The following CYLC2 variants were observed in gnomAD, a reference collection of about 807,000 sequenced individuals.
CYLC2 encodes cylicin-2.
CYLC2 carries 30 observed loss-of-function variants against 26.1 expected under a neutral mutation model. The ratio of observed to expected loss-of-function variants is 1.15; its 90% CI spans 0.86 to 1.56. CYLC2 has a LOEUF of 1.56. Ranked by LOEUF, CYLC2 falls within the 40% of genes most tolerant of loss-of-function variation. The pLI is 0.00. For missense variants in CYLC2, 498 were observed against 394.4 expected (o/e 1.26, Z -2.23); for synonymous variants, 158 against 132.8 (o/e 1.19, Z -1.31).
chr9:103,014,132 A>G (rs1283115821), intron 6 of CYLC2, among the ~76,000 whole-genome samples: 1 of 120,444 alleles, frequency 8.3e-6, no homozygotes, highest in Non-Finnish European at 1.6e-5. Flanking sequence ...ATTATATTAT[A>G]ATATATTAAA....
At chr9:103,006,945 T>C (rs1187545879) in intron 5 of CYLC2, among the ~76,000 whole-genome samples, 1 of 152,088 alleles carries the variant, frequency 6.6e-6, no homozygotes, top group Non-Finnish European at 1.5e-5. Flanking sequence ...GATAACCATG[T>C]GAGGTGATGC....
chr9:103,008,165 C>G (rs946515008), intron 5 of CYLC2, among the ~76,000 whole-genome samples: 5 of 149,976 alleles, frequency 3.3e-5, no homozygotes, highest in African/African-American at 1.2e-4. Flanking sequence ...ATAAAAAGGC[C>G]CTTAAAATTA....
intron 3 of CYLC2, 95 bp from the exon 4 acceptor site, chr9:103,004,600 T>C: frequency 2.2e-6 from 2 of 898,544 alleles, no homozygotes; most frequent in Non-Finnish European, 3.2e-6. Context: ...GCTAAAATCT[T>C]TTTATGGTTG....
At position 103,012,598 on chromosome 9, in the gene CYLC2, GTAAA is replaced by G. The variant is rs138348094; in HGVS notation, c.*816+506_*816+509del. ...TCCATAATAAAATAAAATTGCTTGT[GTAAA>G]TAAAGTAAAATATAGAATAAAAGTA... On this transcript the variant is annotated intron_variant, in intron 6 of 7. Coordinates refer to ENST00000374798, the MANE Select transcript of CYLC2 (RefSeq NM_001340.5). Among the ~76,000 whole-genome samples the G allele has an allele frequency of 4.4e-3, 674 of 152,040 alleles. 5 individuals carry two copies. The highest frequency in any genetic ancestry group is 0.015 in the African/African-American group (634 of 41,504).
At position 103,013,186 on chromosome 9, in the gene CYLC2, T is replaced by TTATATAAATATATATTTAATATAG. The variant is rs1554713520; in HGVS notation, c.*816+1095_*816+1096insAATATATATTTAATATAGTATATA. On this transcript the variant is annotated intron_variant, in intron 6 of 7. Coordinates refer to ENST00000374798, the MANE Select transcript of CYLC2 (RefSeq NM_001340.5). ...ATTATATAAATATATATTTAATATATTATATATAACATATTAATGTTATAT... is the reference window on the plus strand; with the variant it reads ...ATTATATAAATATATATTTAATATATTATATAAATATATATTTAATATAGTATATATAACATATTAATGTTATAT... Among the ~76,000 whole-genome samples the TTATATAAATATATATTTAATATAG allele has an allele frequency of 7.6e-5, 10 of 131,700 alleles. No homozygotes were observed. In the East Asian group the frequency reaches 2.2e-3, roughly 29 times the overall value. 86.4% of individuals were successfully genotyped at this position (131,700 alleles called of 152,430 possible). A position where few individuals can be genotyped will look rare whatever the true frequency, so the allele number is the denominator to read the frequency against.
In CYLC2 at chr9:103,003,247, G is replaced by C; in HGVS notation, c.164G>C (p.Arg55Pro). 1.9e-6 allele frequency: 3 copies of C among 1,612,960 alleles called. No individual in the cohort carries two copies. The highest frequency in any genetic ancestry group is 2.5e-6 in the Non-Finnish European group (3 of 1,179,434). The stretch of plus-strand genomic sequence containing the variant: ...AGGAGATCAAAACCTTCTCAAATAC[G>C]GGACAACACGGTTTCTGTAAGCATT... ...TKRRSKPSQI[R>P]DNTVSIIDEE... The change falls in exon 3 of 8, where the codon CGG becomes CCG. Residue 55 changes from arginine (R) to proline (P), a missense_variant. Transcript: ENST00000374798.
intron 6 of CYLC2, among the ~76,000 whole-genome samples, chr9:103,013,169 A>AATATATATTTAATATATTATATAG (rs1829429609): frequency 7.4e-6 from 1 of 135,196 alleles, no homozygotes; most frequent in Non-Finnish European, 1.5e-5. Flanking sequence ...ATATTATATA[A>AATATATATTTAATATATTATATAG]ATATATATTT....
In CYLC2 at chr9:103,005,701, G is replaced by A. The variant is rs370950999; in HGVS notation, c.*23G>A. On this transcript the variant is annotated 3_prime_UTR_variant, in exon 5 of 8. Coordinates refer to ENST00000374798, the MANE Select transcript of CYLC2 (RefSeq NM_001340.5). ...TAGGCCTTGGATAAGAATTTGAACC[G>A]AAAGAATAATTCAAAAGCATATTTG... 1.5e-5 allele frequency: 24 copies of A among 1,580,826 alleles called. No individual in the cohort carries two copies. The highest frequency in any genetic ancestry group is 5.5e-5 in the African/African-American group (4 of 73,054).
At chr9:102,999,944 G>C (rs1207673825) in intron 1 of CYLC2, among the ~76,000 whole-genome samples, 1 of 151,648 alleles carries the variant, frequency 6.6e-6, no homozygotes, top group Non-Finnish European at 1.5e-5. Flanking sequence ...ACCTCAAAAG[G>C]ATTTGGGTTA....
intron 5 of CYLC2, among the ~76,000 whole-genome samples, chr9:103,008,489 C>G (rs3892742): frequency 0.74 from 111,838 of 151,242 alleles, 41,861 homozygotes; most frequent in East Asian, 1. Context: ...CAAATACTTA[C>G]TTAAGCACCT....
At chr9:103,014,254 C>T (rs1177925758) in intron 6 of CYLC2, among the ~76,000 whole-genome samples, 1 of 123,392 alleles carries the variant, frequency 8.1e-6, no homozygotes, top group African/African-American at 3.2e-5. Context: ...ATATATATCA[C>T]ATAATATATT....
In CYLC2 at chr9:103,004,756, T is replaced by C. The variant is rs769872615; in HGVS notation, c.242T>C (p.Leu81Ser). The C allele has an allele frequency of 1.2e-6, 2 of 1,611,162 alleles. No individual in the cohort carries two copies. The highest frequency in any genetic ancestry group is 3.4e-5 in the Admixed American group (2 of 59,448). Residue 81 changes from leucine (L) to serine (S), a missense_variant, in exon 4 of 8, where the codon TTA becomes TCA. Transcript: ENST00000374798. ...RRQPLWMYRS[L>S]MRISERPSVY... is the part of the protein sequence containing the mutation. ...CAACCATTATGGATGTACCGTTCTT[T>C]AATGAGAATTTCTGAGAGACCATCT...
At chr9:102,998,276 A>C (rs957176380) in intron 1 of CYLC2, among the ~76,000 whole-genome samples, 2 of 152,012 alleles carry the variant, frequency 1.3e-5, no homozygotes, top group African/African-American at 4.8e-5. Flanking sequence ...CCCTCTTCTT[A>C]GGTTAAGTCA....
chr9:103,000,578 T>C (rs1303134271), intron 1 of CYLC2, among the ~76,000 whole-genome samples: 1 of 152,066 alleles, frequency 6.6e-6, no homozygotes, highest in Non-Finnish European at 1.5e-5. Flanking sequence ...GATAACTTAT[T>C]GGTGAAAACA....
At chr9:102,998,342 A>G (rs780035921) in intron 1 of CYLC2, among the ~76,000 whole-genome samples, 20 of 150,206 alleles carry the variant, frequency 1.3e-4, no homozygotes, top group Non-Finnish European at 2.5e-4. Context: ...TTACATTCAT[A>G]TAAATATATC....
intron 6 of CYLC2, among the ~76,000 whole-genome samples, chr9:103,014,203 A>C (rs1470306496): frequency 8.2e-6 from 1 of 122,530 alleles, no homozygotes; most frequent in Admixed American, 9.2e-5. Context: ...TAATATGAAT[A>C]TTATATATCT....
chr9:103,004,631 T>C lies in CYLC2; in HGVS notation c.181-64T>C, dbSNP rs549575914. The stretch of plus-strand genomic sequence containing the variant: ...GGTTGAAATTAAAATATATTTGGGA[T>C]ATATTAATACAAACTGTGTTATTCA... On this transcript the variant is annotated intron_variant, in intron 3 of 7. Transcript: ENST00000374798. The C allele has an allele frequency of 8.9e-5, 94 of 1,057,174 alleles. No homozygotes were observed. The African/African-American group carries it at 1.4e-3, about 16-fold the overall frequency. 65.5% of individuals were successfully genotyped at this position (1,057,174 alleles called of 1,614,324 possible).
intron 5 of CYLC2, chr9:103,010,807 T>C (rs189177373): frequency 1.3e-5 from 2 of 148,444 alleles, no homozygotes; most frequent in East Asian, 3.9e-4. Flanking sequence ...GTCTGCTCAG[T>C]AAGTATTGCA....
Position 103,004,680 on chromosome 9 carries a change from G to A in CYLC2, c.181-15G>A, listed in dbSNP as rs1314400460. The stretch of plus-strand genomic sequence containing the variant: ...CACTCACAAGTTGTTCATCATTATT[G>A]TAACCATCTTTCAGATAATTGATGA... On this transcript the variant is annotated splice_polypyrimidine_tract_variant and intron_variant, in intron 3 of 7. Coordinates refer to ENST00000374798, the MANE Select transcript of CYLC2 (RefSeq NM_001340.5). 1.3e-6 allele frequency: 2 copies of A among 1,569,556 alleles called. No homozygotes were observed. The highest frequency in any genetic ancestry group is 1.7e-4 in the Middle Eastern group (1 of 5,904).
Sources: gnomAD v4.1 joint callset for allele counts (sites outside exome capture counted in the v4.1 genomes callset) on GRCh38, gnomAD v4.1.1 for gene constraint, MANE v1.5 for transcripts, NCBI Gene and HGNC (gene_info 2026-07-23, HGNC 2026-07-21) for gene names.